TRAP1: variants seen among roughly 807,000 people sequenced by gnomAD.
TRAP1 encodes heat shock protein 75 kDa, mitochondrial.
A neutral mutation model predicts 89.1 loss-of-function variants in TRAP1; 102 were observed. The observed-to-expected ratio is 1.15, with a 90% CI of 0.98 to 1.35. The LOEUF is 1.35. Among genes scored for constraint, TRAP1 ranks in the 40% most tolerant of loss-of-function variants. The probability of loss-of-function intolerance (pLI) is 0.00; values close to 1 mark genes in which losing one functional copy is unlikely to be tolerated. For synonymous variants in TRAP1, 508 were observed against 388.0 expected (o/e 1.31, Z -3.64); for missense variants, 1,256 against 945.3 (o/e 1.33, Z -4.31).
At chr16:3,700,230 C>T (rs2051347054) in intron 1 of TRAP1, among the ~76,000 whole-genome samples, 1 of 151,646 alleles carries the variant, frequency 6.6e-6, no homozygotes, top group African/African-American at 2.4e-5. Flanking sequence ...TGCAATGGCG[C>T]GATCTCAGCT....
At chr16:3,709,948 C>T (rs544862706) in intron 1 of TRAP1, among the ~76,000 whole-genome samples, 1 of 152,182 alleles carries the variant, frequency 6.6e-6, no homozygotes, top group East Asian at 1.9e-4. Flanking sequence ...CCGCGCCTGG[C>T]GAGAAGATTC....
At chr16:3,663,788 A>C in intron 13 of TRAP1, 8 of 561,938 alleles carry the variant, frequency 1.4e-5, no homozygotes, top group East Asian at 3.1e-5. Context: ...AGAAATCCAC[A>C]TGTGGCTGAG....
intron 4 of TRAP1, among the ~76,000 whole-genome samples, chr16:3,682,054 CAG>C (rs1270482900): frequency 1.3e-5 from 2 of 152,116 alleles, no homozygotes; most frequent in South Asian, 2.1e-4. Flanking sequence ...CAGAGATGCA[CAG>C]AGAGTGTATT....
At position 3,677,591 on chromosome 16, in the gene TRAP1, C is replaced by G. The variant is rs2051016455; in HGVS notation, c.611G>C (p.Gly204Ala). The change falls in exon 6 of 18, where the codon GGT becomes GCT. Residue 204 changes from glycine (G) to alanine (A), a missense_variant. Gly to Ala is a moderately conservative substitution (Grantham distance 60). Coordinates refer to ENST00000246957, the MANE Select transcript of TRAP1 (RefSeq NM_016292.3). The stretch of plus-strand genomic sequence containing the variant: ...AGCCACCATGAAAGCTGAGTAGAAA[C>G]CCACTCCAAACTGGCCGATGATCTT... ...SSKIIGQFGV[G>A]FYSAFMVADR... is the part of the protein sequence containing the mutation. The G allele has an allele frequency of 6.2e-7, 1 of 1,614,180 alleles. No homozygotes were observed. The highest frequency in any genetic ancestry group is 2.2e-5 in the East Asian group (1 of 44,882).
At chr16:3,691,020 A>G (rs1422705530) in intron 1 of TRAP1, 35 bp from the exon 2 acceptor site, 1 of 1,430,704 alleles carries the variant, frequency 7.0e-7, no homozygotes, top group Non-Finnish European at 9.3e-7. Flanking sequence ...AATGAGAATT[A>G]GGAAGACACG....
intron 1 of TRAP1, among the ~76,000 whole-genome samples, chr16:3,693,056 G>A (rs1258962676): frequency 1.3e-5 from 2 of 151,928 alleles, no homozygotes; most frequent in Non-Finnish European, 2.9e-5. Flanking sequence ...GGGTTCAAGC[G>A]ATTCTCCTGT....
At chr16:3,678,868 T>C (rs1567232644) in intron 5 of TRAP1, among the ~76,000 whole-genome samples, 1 of 152,186 alleles carries the variant, frequency 6.6e-6, no homozygotes, top group Non-Finnish European at 1.5e-5. Flanking sequence ...TCCAAATGTG[T>C]TGCTCTGCCT....
At chr16:3,703,724 A>C (rs2051400341) in intron 1 of TRAP1, among the ~76,000 whole-genome samples, 1 of 152,054 alleles carries the variant, frequency 6.6e-6, no homozygotes, top group South Asian at 2.1e-4. Context: ...AAAACTATTT[A>C]CAAAAGTTAG....
At chr16:3,667,226 T>C (rs1482302163) in intron 11 of TRAP1, among the ~76,000 whole-genome samples, 1 of 151,878 alleles carries the variant, frequency 6.6e-6, no homozygotes, top group African/African-American at 2.4e-5. Flanking sequence ...CAGCCCACCG[T>C]GAAGAGTCAG....
Position 3,662,930 on chromosome 16 carries a change from G to A in TRAP1, c.1746C>T (p.Leu582=). The part of the protein sequence containing the change: ...ECLSEKETEE[L]MAWMRNVLGS... The stretch of plus-strand genomic sequence containing the variant: ...CCAGCACATTTCTCATCCAGGCCAT[G>A]AGCTCCTCCGTCTCCTTCTCTGATA... Residue 582 remains leucine, a synonymous_variant, in exon 15 of 18, where the codon CTC becomes CTT. Coordinates refer to ENST00000246957, the MANE Select transcript of TRAP1 (RefSeq NM_016292.3). The A allele has an allele frequency of 6.2e-7, 1 of 1,612,858 alleles. No homozygotes were observed. The highest frequency in any genetic ancestry group is 8.5e-7 in the Non-Finnish European group (1 of 1,179,976).
rs137975630 is a variant in TRAP1, at chr16:3,658,862, G to A, written c.1944C>T (p.His648=). The A allele has an allele frequency of 1.2e-4, 195 of 1,614,024 alleles. No homozygotes were observed. The African/African-American group carries it at 1.9e-3, about 15-fold the overall frequency. Residue 648 remains histidine, a synonymous_variant, in exon 17 of 18, where the codon CAC becomes CAT. Coordinates refer to ENST00000246957, the MANE Select transcript of TRAP1 (RefSeq NM_016292.3). ...LQPTLEINPR[H]ALIKKLNQLR... is the part of the protein sequence containing the mutation. Reference sequence around the variant, plus strand: ...GCTGATTCAGCTTCTTGATGAGCGCGTGCCTGCAACACAGAACCCACCAGA... The same window carrying A: ...GCTGATTCAGCTTCTTGATGAGCGCATGCCTGCAACACAGAACCCACCAGA...
chr16:3,699,629 CAAA>C (rs35602361), intron 1 of TRAP1, among the ~76,000 whole-genome samples: 7 of 72,052 alleles, frequency 9.7e-5, no homozygotes, highest in African/African-American at 1.5e-4. Flanking sequence ...AACTCCGTCT[CAAA>C]AAAAAAAAAA....
At chr16:3,686,976 AAAC>A (rs1567235957) in intron 3 of TRAP1, 1 of 152,176 alleles carries the variant, frequency 6.6e-6, no homozygotes. Context: ...TCAAAAAAAC[AAAC>A]AAAAGAGGCC....
chr16:3,658,867 T>C lies in TRAP1; in HGVS notation c.1941-2A>G. The C allele has an allele frequency of 6.2e-7, 1 of 1,613,940 alleles. No homozygotes were observed. Among genetic ancestry groups the C allele is most frequent in the South Asian group, 1.1e-5 (1 of 91,068 alleles). On this transcript the variant is annotated splice_acceptor_variant, in intron 16 of 17. Coordinates refer to ENST00000246957, the MANE Select transcript of TRAP1 (RefSeq NM_016292.3). LOFTEE classifies it high-confidence loss of function. ...TTCAGCTTCTTGATGAGCGCGTGCC[T>C]GCAACACAGAACCCACCAGAAAAAG...
chr16:3,672,821 C>CT lies in TRAP1; in HGVS notation c.1045-2dup, dbSNP rs1281688716. On this transcript the variant is annotated splice_acceptor_variant, in intron 9 of 17. Coordinates refer to ENST00000246957, the MANE Select transcript of TRAP1 (RefSeq NM_016292.3). LOFTEE classifies it high-confidence loss of function. ...GGCTCACATCAAACATGGACGGTTTCTGGGGGTGAGGAGAACACGCCATCA... is the reference window on the plus strand; with the variant it reads ...GGCTCACATCAAACATGGACGGTTTCTTGGGGGTGAGGAGAACACGCCATCA... 1 of 1,612,094 alleles carries CT rather than the reference C, an allele frequency of 6.2e-7. No individual in the cohort carries two copies. The highest frequency in any genetic ancestry group is 8.5e-7 in the Non-Finnish European group (1 of 1,179,440).
rs527306457 is a variant in TRAP1 at position 3,702,522 on chromosome 16, C to T, written c.89-11537G>A. Among the ~76,000 whole-genome samples the T allele has an allele frequency of 2.4e-4, 37 of 151,830 alleles. 2 individuals are homozygous for T. Among genetic ancestry groups the T allele is most frequent in the African/African-American group, 8.3e-4 (34 of 41,200 alleles). On this transcript the variant is annotated intron_variant, in intron 1 of 17. Transcript: ENST00000246957. ...CTCTAGGAGGCTGAGGCAGGCAGAT[C>T]GCTTGAGCCCAGGAGTTTGAGACCA...
intron 14 of TRAP1, 104 bp downstream of exon 14, chr16:3,663,320 C>A: frequency 1.3e-6 from 2 of 1,494,334 alleles, no homozygotes; most frequent in Non-Finnish European, 1.8e-6. Context: ...GTGGCTGAGC[C>A]CAGGTCAACT....
chr16:3,711,599 G>GAAAAAAACAAA, intron 1 of TRAP1, among the ~76,000 whole-genome samples: 1 of 145,792 alleles, frequency 6.9e-6, no homozygotes, highest in Non-Finnish European at 1.5e-5. Context: ...ACTCCATCTT[G>GAAAAAAACAAA]AAAAAAACAA....
chr16:3,675,901 G>A (rs529794583), intron 7 of TRAP1, 135 bp downstream of exon 7: 20 of 735,312 alleles, frequency 2.7e-5, no homozygotes, highest in Admixed American at 2.4e-4. Context: ...TCCCAGTCCC[G>A]CAGCGGCTCG....
Sources: allele counts gnomAD v4.1 joint callset (sites outside exome capture counted in the v4.1 genomes callset), GRCh38; gene constraint gnomAD v4.1.1; transcripts MANE v1.5; gene names NCBI Gene and HGNC (gene_info 2026-07-23, HGNC 2026-07-21).